The following VIPR2 variants were observed in gnomAD, a reference collection of about 807,000 sequenced individuals.
VIPR2 encodes vasoactive intestinal peptide receptor 2, also known as vasoactive intestinal polypeptide receptor 2.
VIPR2 carries 48 observed loss-of-function variants against 58.0 expected under a neutral mutation model. The observed-to-expected ratio is 0.83, with a 90% CI of 0.66 to 1.05. VIPR2 has a LOEUF of 1.05. VIPR2 is among the 50% of genes least tolerant of loss of function. The probability of loss-of-function intolerance (pLI) is 0.00; values close to 1 mark genes in which losing one functional copy is unlikely to be tolerated. For synonymous variants in VIPR2, 243 were observed against 235.2 expected, an observed-to-expected ratio of 1.03 and a Z score of -0.30; for missense variants, 534 against 558.0, an observed-to-expected ratio of 0.96 and a Z score of 0.43.
At chr7:159,135,344 A>G (rs1797171044) in intron 2 of VIPR2, among the ~76,000 whole-genome samples, 1 of 152,164 alleles carries the variant, frequency 6.6e-6, no homozygotes, top group Admixed American at 6.5e-5. Flanking sequence ...AGGCAGGAGA[A>G]TTGCTTCAAC....
At chr7:159,080,753 A>G (rs1235476228) in intron 4 of VIPR2, among the ~76,000 whole-genome samples, 5 of 152,152 alleles carry the variant, frequency 3.3e-5, no homozygotes, top group African/African-American at 4.8e-5. Context: ...TAAGCTGATA[A>G]GCAACTTCAG....
intron 2 of VIPR2, among the ~76,000 whole-genome samples, chr7:159,136,349 C>T (rs1022336205): frequency 1.3e-5 from 2 of 152,152 alleles, no homozygotes; most frequent in African/African-American, 2.4e-5. Context: ...TTTCATGACC[C>T]AATCACCTCT....
At position 159,093,144 on chromosome 7, in the gene VIPR2, G is replaced by A. The variant is rs1448287465; in HGVS notation, c.357+10613C>T. On this transcript the variant is annotated intron_variant, in intron 4 of 12. Coordinates refer to ENST00000262178, the MANE Select transcript of VIPR2 (RefSeq NM_003382.5). The surrounding 1 kb of genome is among the most constrained non-coding windows in gnomAD (Gnocchi z 6.7). Reference sequence around the variant, plus strand: ...ATGTGGTCCTGCGGGGGCTGGTGGGGGCAGAAGACATTTCCTCAAGACACT... The same window carrying A: ...ATGTGGTCCTGCGGGGGCTGGTGGGAGCAGAAGACATTTCCTCAAGACACT... 1.3e-5 allele frequency among the ~76,000 whole-genome samples: 2 copies of A among 152,132 alleles called. No individual in the cohort carries two copies. The highest frequency in any genetic ancestry group is 2.9e-5 in the Non-Finnish European group (2 of 68,040).
chr7:159,087,477 C>G (rs57177079), intron 4 of VIPR2, among the ~76,000 whole-genome samples: 8 of 119,990 alleles, frequency 6.7e-5, no homozygotes, highest in African/African-American at 2.2e-4. Flanking sequence ...TAGTGAGATA[C>G]GGCTTCCCCA....
rs1468431515 is a variant in VIPR2, at chr7:159,095,202, A to G, written c.357+8555T>C. Among the ~76,000 whole-genome samples, 1 of 152,250 alleles carries G rather than the reference A, an allele frequency of 6.6e-6. No homozygotes were observed. The highest frequency in any genetic ancestry group is 1.5e-5 in the Non-Finnish European group (1 of 68,054). On this transcript the variant is annotated intron_variant, in intron 4 of 12. Transcript: ENST00000262178. The surrounding 1 kb of genome is among the most constrained non-coding windows in gnomAD (Gnocchi z 5.2). Reference sequence around the variant, plus strand: ...GAGCCGAGACAGCAAATCATATGACAGCATTAGTGAAAATGGGACATTTCC... The same window carrying G: ...GAGCCGAGACAGCAAATCATATGACGGCATTAGTGAAAATGGGACATTTCC...
In VIPR2 at chr7:159,085,480, G is replaced by GAGAC. The variant is rs1340995905; in HGVS notation, c.357+18273_357+18276dup. ...CCGGCTAATTTTTGTATTTTTAGTA[G>GAGAC]AGACAGGGTTGCACCATGTTGGTCA... On this transcript the variant is annotated intron_variant, in intron 4 of 12. Transcript: ENST00000262178. Among the ~76,000 whole-genome samples, 17 of 152,096 alleles carry GAGAC rather than the reference G, an allele frequency of 1.1e-4. 1 individual carries two copies. In the South Asian group the frequency reaches 1.9e-3, roughly 17 times the overall value.
At chr7:159,046,850 AG>A (rs1420536407) in intron 5 of VIPR2, among the ~76,000 whole-genome samples, 1 of 152,246 alleles carries the variant, frequency 6.6e-6, no homozygotes, top group Non-Finnish European at 1.5e-5. Flanking sequence ...AGAAATATAA[AG>A]AACAGACTAA....
chr7:159,114,489 A>G (rs1005446490), intron 2 of VIPR2, among the ~76,000 whole-genome samples: 2 of 152,228 alleles, frequency 1.3e-5, no homozygotes, highest in Admixed American at 1.3e-4. Context: ...GATGGTGATC[A>G]TAAAATCAAA....
chr7:159,062,354 C>G (rs982629743), intron 4 of VIPR2, among the ~76,000 whole-genome samples: 1 of 152,134 alleles, frequency 6.6e-6, no homozygotes, highest in Non-Finnish European at 1.5e-5. Context: ...GACACGGACC[C>G]TCACAGTGAG....
At chr7:159,075,744 T>C (rs1421124530) in intron 4 of VIPR2, among the ~76,000 whole-genome samples, 1 of 136,574 alleles carries the variant, frequency 7.3e-6, no homozygotes, top group Non-Finnish European at 1.5e-5. Flanking sequence ...ACGGACCCAC[T>C]GCATCAGTGA....
chr7:159,082,098 A>C (rs1856934397), intron 4 of VIPR2, among the ~76,000 whole-genome samples: 1 of 152,242 alleles, frequency 6.6e-6, no homozygotes, highest in Non-Finnish European at 1.5e-5. Context: ...CATTTGACCC[A>C]GCCATCCCAT....
chr7:159,064,745 G>A (rs3793220), intron 4 of VIPR2, among the ~76,000 whole-genome samples: 24,382 of 152,158 alleles, frequency 0.16, 2,849 homozygotes, highest in African/African-American at 0.34. Context: ...CCCGGCCTTC[G>A]CCCCAGCTCT....
chr7:159,049,345 A>G (rs1854843400), intron 5 of VIPR2, among the ~76,000 whole-genome samples: 1 of 152,194 alleles, frequency 6.6e-6, no homozygotes, highest in Admixed American at 6.5e-5. Flanking sequence ...AAAGCAGCCC[A>G]AGGGCTTTGG....
intron 2 of VIPR2, among the ~76,000 whole-genome samples, chr7:159,131,450 C>T (rs1297277923): frequency 3.9e-5 from 6 of 152,164 alleles, no homozygotes; most frequent in Non-Finnish European, 8.8e-5. Flanking sequence ...TCCTTTATCC[C>T]CTTTCTTTCT....
intron 4 of VIPR2, among the ~76,000 whole-genome samples, chr7:159,071,322 C>T (rs529480117): frequency 6.4e-4 from 97 of 152,352 alleles, no homozygotes; most frequent in African/African-American, 2.2e-3. Context: ...CCAGAACCTT[C>T]CCCGGCTCAG....
At chr7:159,113,021 T>C (rs1007538131) in intron 2 of VIPR2, among the ~76,000 whole-genome samples, 2 of 152,084 alleles carry the variant, frequency 1.3e-5, no homozygotes, top group Non-Finnish European at 2.9e-5. Flanking sequence ...GATCCCGACT[T>C]GGCAAGGAGG....
At chr7:159,131,173 C>G (rs1796896497) in intron 2 of VIPR2, among the ~76,000 whole-genome samples, 1 of 152,134 alleles carries the variant, frequency 6.6e-6, no homozygotes, top group Non-Finnish European at 1.5e-5. Context: ...TGTCAAACTT[C>G]AAAGAATCGA....
At chr7:159,038,670 C>A (rs1180622879) in intron 6 of VIPR2, among the ~76,000 whole-genome samples, 1 of 152,166 alleles carries the variant, frequency 6.6e-6, no homozygotes, top group African/African-American at 2.4e-5. Flanking sequence ...TAAAAGACCG[C>A]ATCTTAAACA....
intron 4 of VIPR2, among the ~76,000 whole-genome samples, chr7:159,079,262 C>G (rs113447493): frequency 0.097 from 14,809 of 152,154 alleles, 1,838 homozygotes; most frequent in African/African-American, 0.29. Flanking sequence ...GAAATTATAA[C>G]AAACTGTCTC....
Sources: gnomAD v4.1 joint callset for allele counts (sites outside exome capture counted in the v4.1 genomes callset) on GRCh38, gnomAD v4.1.1 for gene constraint, Gnocchi (gnomAD v3.1) non-coding constraint, MANE v1.5 for transcripts, NCBI Gene and HGNC (gene_info 2026-07-23, HGNC 2026-07-21) for gene names.